CXCL13: variants seen among roughly 807,000 people sequenced by gnomAD.
The protein encoded by CXCL13 is C-X-C motif chemokine ligand 13, also known as C-X-C motif chemokine 13.
A neutral mutation model predicts 12.2 loss-of-function variants in CXCL13; 7 were observed. The ratio of observed to expected loss-of-function variants is 0.57; its 90% CI spans 0.33 to 1.07. CXCL13 has a LOEUF of 1.07. Ranked by LOEUF, CXCL13 falls within the 50% of genes least tolerant of loss-of-function variation. CXCL13 has a pLI of 0.04. For missense variants in CXCL13, 113 were observed against 127.4 expected (o/e 0.89, Z 0.55); for synonymous variants, 47 against 42.4 (o/e 1.11, Z -0.42).
chr4:77,539,147 C>T (rs1725140679), intron 1 of CXCL13, among the ~76,000 whole-genome samples: 1 of 151,682 alleles, frequency 6.6e-6, no homozygotes, highest in Non-Finnish European at 1.5e-5. Context: ...TCACTGCAAC[C>T]TCTGCCTCCT....
intron 1 of CXCL13, among the ~76,000 whole-genome samples, chr4:77,533,539 G>A (rs1724983488): frequency 6.6e-6 from 1 of 152,222 alleles, no homozygotes; most frequent in African/African-American, 2.4e-5. Flanking sequence ...CATGCTGGGA[G>A]AACCACTACT....
At chr4:77,541,636 C>T (rs1282729006) in intron 1 of CXCL13, among the ~76,000 whole-genome samples, 1 of 152,136 alleles carries the variant, frequency 6.6e-6, no homozygotes, top group Non-Finnish European at 1.5e-5. Context: ...AGTTTGAAGT[C>T]AGGTAGTGTG....
intron 1 of CXCL13, among the ~76,000 whole-genome samples, chr4:77,525,766 G>T (rs1417568287): frequency 6.6e-6 from 1 of 152,088 alleles, no homozygotes; most frequent in Non-Finnish European, 1.5e-5. Flanking sequence ...AACACTCATG[G>T]TCACAGAAAC....
intron 1 of CXCL13, among the ~76,000 whole-genome samples, chr4:77,561,207 T>C (rs1412777833): frequency 6.6e-6 from 1 of 152,160 alleles, no homozygotes; most frequent in East Asian, 1.9e-4. Flanking sequence ...AAAAGTGTGG[T>C]CCATGGACCA....
intron 1 of CXCL13, among the ~76,000 whole-genome samples, chr4:77,599,495 A>G (rs58689708): frequency 6.6e-6 from 1 of 152,232 alleles, no homozygotes; most frequent in Non-Finnish European, 1.5e-5. Flanking sequence ...GGATCCACAG[A>G]TGTGAAACCC....
chr4:77,513,294 C>G (rs909980223), intron 1 of CXCL13, among the ~76,000 whole-genome samples: 4 of 152,226 alleles, frequency 2.6e-5, no homozygotes, highest in Admixed American at 2.6e-4. Flanking sequence ...TGGGCATATA[C>G]CCAGTGATGG....
At chr4:77,595,950 A>G (rs552343470) in intron 1 of CXCL13, among the ~76,000 whole-genome samples, 4 of 152,308 alleles carry the variant, frequency 2.6e-5, no homozygotes, top group Admixed American at 2.6e-4. Flanking sequence ...AGGCTCCTCA[A>G]TTTGGCACTC....
At chr4:77,598,560 T>A (rs949311620) in intron 1 of CXCL13, among the ~76,000 whole-genome samples, 1 of 152,042 alleles carries the variant, frequency 6.6e-6, no homozygotes, top group Non-Finnish European at 1.5e-5. Context: ...AACAAAGAAA[T>A]AAGACTATTT....
At chr4:77,552,002 C>T (rs954660084) in intron 1 of CXCL13, among the ~76,000 whole-genome samples, 1 of 152,034 alleles carries the variant, frequency 6.6e-6, no homozygotes, top group African/African-American at 2.4e-5. Context: ...TTTGAAGTTT[C>T]TTTGTGTTGA....
intron 1 of CXCL13, among the ~76,000 whole-genome samples, chr4:77,532,326 G>T (rs1337688970): frequency 6.6e-6 from 1 of 152,184 alleles, no homozygotes; most frequent in African/African-American, 2.4e-5. Flanking sequence ...GGCTGGAGAT[G>T]AAATTCTGAG....
rs529955157 is a variant in CXCL13, at chr4:77,570,914, G to A, written c.-42-34910G>A. On this transcript the variant is annotated intron_variant, in intron 1 of 4. Coordinates refer to the CXCL13 transcript ENST00000286758. ...GCTGCCTTCCCATGGGGCAGGCCTC[G>A]GGACTGCAGCCCGCCATGCCTGGGC... 5.3e-5 allele frequency among the ~76,000 whole-genome samples: 8 copies of A among 152,120 alleles called. No individual in the cohort carries two copies. In the South Asian group the frequency reaches 6.2e-4, roughly 12 times the overall value.
chr4:77,547,087 G>T (rs1441002765), intron 1 of CXCL13, among the ~76,000 whole-genome samples: 2 of 152,196 alleles, frequency 1.3e-5, no homozygotes, highest in East Asian at 1.9e-4. Context: ...TAATTTGATT[G>T]CACTGTGGTC....
upstream of CXCL13, among the ~76,000 whole-genome samples, chr4:77,600,974 A>C (rs1726868118): frequency 6.6e-6 from 1 of 152,198 alleles, no homozygotes; most frequent in Non-Finnish European, 1.5e-5. Context: ...ATAATGCAAC[A>C]CACCCCTTCT....
At chr4:77,568,264 T>C (rs1456172160) in intron 1 of CXCL13, among the ~76,000 whole-genome samples, 3 of 152,218 alleles carry the variant, frequency 2.0e-5, no homozygotes, top group Non-Finnish European at 4.4e-5. Flanking sequence ...TCCTGTATTC[T>C]TTATTTTGGA....
At chr4:77,610,770 G>A (rs1560539884) in intron 3 of CXCL13, 76 bp downstream of exon 3, 5 of 1,131,422 alleles carry the variant, frequency 4.4e-6, no homozygotes, top group Admixed American at 1.7e-5. Context: ...AGTCAAAATA[G>A]GGACTAGCTT....
chr4:77,540,260 T>C (rs968064992), intron 1 of CXCL13, among the ~76,000 whole-genome samples: 1 of 152,188 alleles, frequency 6.6e-6, no homozygotes, highest in South Asian at 2.1e-4. Flanking sequence ...CATTTTTTAA[T>C]AATTTCAACT....
chr4:77,573,522 T>C (rs1003779027), intron 1 of CXCL13, among the ~76,000 whole-genome samples: 1 of 151,806 alleles, frequency 6.6e-6, no homozygotes, highest in African/African-American at 2.4e-5. Context: ...TCCAAGCATT[T>C]TTCAAGTTCA....
At chr4:77,562,462 C>T (rs1394309515) in intron 1 of CXCL13, among the ~76,000 whole-genome samples, 1 of 151,992 alleles carries the variant, frequency 6.6e-6, no homozygotes, top group Non-Finnish European at 1.5e-5. Flanking sequence ...GTAGACACAC[C>T]AATCAGTACT....
chr4:77,588,405 C>T (rs776292512), intron 1 of CXCL13, among the ~76,000 whole-genome samples: 1 of 152,212 alleles, frequency 6.6e-6, no homozygotes, highest in Non-Finnish European at 1.5e-5. Flanking sequence ...TCAGGTGTGA[C>T]ACCTGTCCAC....
Sources: gnomAD v4.1 joint callset for allele counts (sites outside exome capture counted in the v4.1 genomes callset) on GRCh38, gnomAD v4.1.1 for gene constraint, MANE v1.5 for transcripts, NCBI Gene and HGNC (gene_info 2026-07-23, HGNC 2026-07-21) for gene names.